Variants in SGCD observed in about 807,000 individuals in gnomAD.
SGCD encodes the protein delta-sarcoglycan.
In SGCD, 18 loss-of-function variants were observed where a neutral mutation model predicts 36.6. That is an observed-to-expected ratio of 0.49 (90% CI 0.34 to 0.73). The LOEUF is 0.73. Ranked by LOEUF, SGCD falls within the 30% of genes least tolerant of loss-of-function variation. The pLI is 0.01. For synonymous variants in SGCD, 133 were observed against 130.6 expected (o/e 1.02, Z -0.12); for missense variants, 387 against 346.7 (o/e 1.12, Z -0.92).
chr5:156,307,754 T>C (rs1767264507), intron 3 of SGCD, among the ~76,000 whole-genome samples: 1 of 152,070 alleles, frequency 6.6e-6, no homozygotes. Context: ...TTAATTTATA[T>C]CAGGTTAACT....
chr5:155,904,960 A>G (rs1413105052), intron 1 of SGCD, among the ~76,000 whole-genome samples: 1 of 152,180 alleles, frequency 6.6e-6, no homozygotes, highest in African/African-American at 2.4e-5. Context: ...TTCTTCTTCT[A>G]TAAACTGAAT....
chr5:155,744,133 G>A, the SGCD span, among the ~76,000 whole-genome samples: 1 of 152,166 alleles, frequency 6.6e-6, no homozygotes, highest in South Asian at 2.1e-4. Context: ...AGGTATTAGA[G>A]TTATCAGAGA....
chr5:156,467,065 A>G (rs1754751509), intron 3 of SGCD, among the ~76,000 whole-genome samples: 1 of 152,096 alleles, frequency 6.6e-6, no homozygotes. Flanking sequence ...TGTTGCAGCT[A>G]CTCAACTCTG....
intron 1 of SGCD, among the ~76,000 whole-genome samples, chr5:155,954,514 A>G (rs1186213238): frequency 1.3e-5 from 2 of 151,850 alleles, no homozygotes; most frequent in Non-Finnish European, 2.9e-5. Context: ...TTAGCACCCC[A>G]TCTGTACAAC....
At chr5:156,657,194 C>T (rs374415087) in intron 7 of SGCD, among the ~76,000 whole-genome samples, 1 of 151,648 alleles carries the variant, frequency 6.6e-6, no homozygotes, top group African/African-American at 2.4e-5. Flanking sequence ...AGTTACAGTA[C>T]CAAAATATTG....
At chr5:156,177,020 G>T (rs1399233564) in intron 3 of SGCD, among the ~76,000 whole-genome samples, 2 of 151,638 alleles carry the variant, frequency 1.3e-5, no homozygotes, top group Non-Finnish European at 2.9e-5. Context: ...TTATTTTTTT[G>T]AAGCAGAGTC....
chr5:155,834,115 G>T, the SGCD span, among the ~76,000 whole-genome samples: 1 of 152,104 alleles, frequency 6.6e-6, no homozygotes, highest in Non-Finnish European at 1.5e-5. Context: ...ATACTATCCT[G>T]CTCTGGTTAT....
rs1439909287 is a variant in SGCD at position 156,766,233 on chromosome 5, T to C, written c.*6843T>C. On this transcript the variant is annotated 3_prime_UTR_variant, in exon 9 of 9. Transcript: ENST00000337851. ...GACACTATTTGGTCAGTATTCTTCT[T>C]TACCTTTACTTGTGGCAAAACTCAA... 1 of 152,138 alleles carries C rather than the reference T, an allele frequency of 6.6e-6. No homozygotes were observed. Among genetic ancestry groups the C allele is most frequent in the Non-Finnish European group, 1.5e-5 (1 of 68,020 alleles). The allele number at this position is 152,138 out of a possible 1,614,324, so 9.4% of individuals were successfully genotyped here.
chr5:156,682,377 G>A (rs1036857541), intron 7 of SGCD, among the ~76,000 whole-genome samples: 2 of 152,206 alleles, frequency 1.3e-5, no homozygotes, highest in Non-Finnish European at 2.9e-5. Flanking sequence ...GGCATGAGCA[G>A]AAGTGTACAA....
chr5:156,478,760 T>C (rs147417623), intron 3 of SGCD, among the ~76,000 whole-genome samples: 3,463 of 152,246 alleles, frequency 0.023, 108 homozygotes, highest in African/African-American at 0.072. Context: ...TTTGTATTTT[T>C]AGTAGAGACG....
intron 3 of SGCD, among the ~76,000 whole-genome samples, chr5:156,484,017 G>A (rs528331912): frequency 6.6e-6 from 1 of 152,180 alleles, no homozygotes; most frequent in Non-Finnish European, 1.5e-5. Flanking sequence ...GTCTGAAATT[G>A]ACATCCCAGA....
chr5:156,699,632 G>C (rs1754453134), intron 7 of SGCD, among the ~76,000 whole-genome samples: 1 of 152,132 alleles, frequency 6.6e-6, no homozygotes, highest in African/African-American at 2.4e-5. Flanking sequence ...ATAATCAAGA[G>C]GTATATTTAC....
the SGCD span, among the ~76,000 whole-genome samples, chr5:155,728,504 CACAGCCTGGAGAA>C: frequency 9.9e-5 from 15 of 152,218 alleles, no homozygotes; most frequent in Non-Finnish European, 2.1e-4. Flanking sequence ...AAGGGACACC[CACAGCCTGGAGAA>C]ACAGCCCCGC....
chr5:156,755,555 C>A (rs141070234), intron 7 of SGCD, among the ~76,000 whole-genome samples: 29 of 152,320 alleles, frequency 1.9e-4, no homozygotes, highest in Admixed American at 4.6e-4. Flanking sequence ...ACTGCACAGA[C>A]ATCACTTTCT....
At chr5:156,042,990 G>A (rs1004399058) in intron 1 of SGCD, among the ~76,000 whole-genome samples, 2 of 152,118 alleles carry the variant, frequency 1.3e-5, no homozygotes, top group Non-Finnish European at 2.9e-5. Context: ...AAAGGCTATT[G>A]TCATTTAAAC....
At chr5:156,406,004 GC>G (rs1213765261) in intron 3 of SGCD, among the ~76,000 whole-genome samples, 2 of 82,978 alleles carry the variant, frequency 2.4e-5, no homozygotes, top group African/African-American at 1.2e-4. Flanking sequence ...GCTGTATTTG[GC>G]CCTATCTTTG....
At chr5:156,239,028 TG>T (rs1359743467) in intron 3 of SGCD, among the ~76,000 whole-genome samples, 13 of 152,086 alleles carry the variant, frequency 8.5e-5, no homozygotes, top group Admixed American at 8.5e-4. Context: ...GGGCTTTCTT[TG>T]GGGGCCTCAT....
chr5:155,765,271 C>A, the SGCD span, among the ~76,000 whole-genome samples: 5 of 147,430 alleles, frequency 3.4e-5, no homozygotes, highest in Non-Finnish European at 5.9e-5. Context: ...TAGGGCAAGA[C>A]CCTGTCGAAA....
the SGCD span, among the ~76,000 whole-genome samples, chr5:155,776,806 C>T: frequency 1.3e-5 from 2 of 152,222 alleles, no homozygotes; most frequent in African/African-American, 4.8e-5. Context: ...CTTATAGACT[C>T]ACAGAGTTAG....
Sources: allele counts gnomAD v4.1 joint callset (sites outside exome capture counted in the v4.1 genomes callset), GRCh38; gene constraint gnomAD v4.1.1; transcripts MANE v1.5; gene names NCBI Gene and HGNC (gene_info 2026-07-23, HGNC 2026-07-21).